TRHDE: variants seen among roughly 807,000 people sequenced by gnomAD.
TRHDE encodes the protein thyrotropin releasing hormone degrading enzyme, also known as thyrotropin-releasing hormone-degrading ectoenzyme.
TRHDE carries 72 observed loss-of-function variants against 125.7 expected under a neutral mutation model. The ratio of observed to expected loss-of-function variants is 0.57; its 90% CI spans 0.47 to 0.70. The LOEUF (loss-of-function observed/expected upper bound fraction) is 0.70. Ranked by LOEUF, TRHDE falls within the 30% of genes least tolerant of loss-of-function variation. TRHDE has a pLI of 0.00. For missense variants in TRHDE, 1,110 were observed against 1,327.1 expected, an observed-to-expected ratio of 0.84 and a Z score of 2.54; for synonymous variants, 509 against 509.1, an observed-to-expected ratio of 1.00 and a Z score of 0.00.
At chr12:72,290,104 G>A (rs1434463892) in intron 2 of TRHDE, among the ~76,000 whole-genome samples, 1 of 152,184 alleles carries the variant, frequency 6.6e-6, no homozygotes, top group Non-Finnish European at 1.5e-5. Context: ...GGAAGAGGGA[G>A]AAATTCTTAA....
intron 3 of TRHDE, among the ~76,000 whole-genome samples, chr12:72,441,589 T>C (rs1204207779): frequency 6.6e-6 from 1 of 151,896 alleles, no homozygotes; most frequent in Non-Finnish European, 1.5e-5. Context: ...AAAATGTTTT[T>C]AAGTGGTTTA....
intron 12 of TRHDE, among the ~76,000 whole-genome samples, chr12:72,603,673 C>G (rs1019214390): frequency 2.3e-4 from 35 of 151,774 alleles, no homozygotes; most frequent in Admixed American, 1.8e-3. Context: ...TGCAGTGAGC[C>G]GAGATTGCGC....
chr12:72,109,829 T>C (rs569075976), intron 2 of TRHDE, among the ~76,000 whole-genome samples: 1 of 152,210 alleles, frequency 6.6e-6, no homozygotes, highest in Admixed American at 6.6e-5. Flanking sequence ...TCATTGCCTG[T>C]GGCTGAGCAC....
intron 12 of TRHDE, among the ~76,000 whole-genome samples, chr12:72,598,359 TAAATG>T (rs1266118390): frequency 6.6e-6 from 1 of 152,196 alleles, no homozygotes; most frequent in East Asian, 1.9e-4. Flanking sequence ...TTCTTTATAT[TAAATG>T]AAATGCCAAT....
intron 2 of TRHDE, among the ~76,000 whole-genome samples, chr12:72,221,707 A>T (rs765440384): frequency 1.3e-5 from 2 of 152,132 alleles, no homozygotes; most frequent in Non-Finnish European, 2.9e-5. Flanking sequence ...CATATATGAC[A>T]TTAGGATAAC....
chr12:72,317,597 A>T (rs1009586693), intron 2 of TRHDE, among the ~76,000 whole-genome samples: 2 of 152,152 alleles, frequency 1.3e-5, no homozygotes, highest in African/African-American at 4.8e-5. Context: ...AATCCCATTC[A>T]TGAAGGCTCC....
chr12:72,572,184 A>G (rs1870776384), intron 10 of TRHDE, among the ~76,000 whole-genome samples: 1 of 152,150 alleles, frequency 6.6e-6, no homozygotes, highest in African/African-American at 2.4e-5. Flanking sequence ...TTTGTCTCAC[A>G]TTTTTACTCT....
intron 6 of TRHDE, among the ~76,000 whole-genome samples, chr12:72,510,137 T>C (rs1878523232): frequency 6.6e-6 from 1 of 152,170 alleles, no homozygotes; most frequent in Non-Finnish European, 1.5e-5. Flanking sequence ...CAGGCACAAT[T>C]AGCCTCCTGT....
chr12:72,542,904 G>T (rs577381905), intron 7 of TRHDE, among the ~76,000 whole-genome samples: 2 of 151,268 alleles, frequency 1.3e-5, no homozygotes, highest in Non-Finnish European at 3.0e-5. Flanking sequence ...TTTAGAGTAT[G>T]AAGTATAGAA....
At chr12:72,380,425 G>GGGGCT (rs1369342686) in intron 3 of TRHDE, among the ~76,000 whole-genome samples, 1 of 152,162 alleles carries the variant, frequency 6.6e-6, no homozygotes, top group African/African-American at 2.4e-5. Context: ...GCATGGGATA[G>GGGGCT]GGGCTGAGTT....
intron 2 of TRHDE, among the ~76,000 whole-genome samples, chr12:72,366,515 A>G (rs1395164614): frequency 6.6e-6 from 1 of 152,032 alleles, no homozygotes; most frequent in East Asian, 1.9e-4. Context: ...TTGCCATTTT[A>G]TGGGAGTCAG....
At chr12:72,203,403 G>A (rs1877601511) in intron 2 of TRHDE, among the ~76,000 whole-genome samples, 1 of 152,194 alleles carries the variant, frequency 6.6e-6, no homozygotes, top group Non-Finnish European at 1.5e-5. Flanking sequence ...AGGAGGCGGA[G>A]CTTGCAGTGA....
intron 2 of TRHDE, among the ~76,000 whole-genome samples, chr12:72,364,950 C>T (rs1268813789): frequency 1.3e-5 from 2 of 152,042 alleles, no homozygotes; most frequent in African/African-American, 4.8e-5. Context: ...AACAAATGAA[C>T]AACCAAAAAG....
intron 2 of TRHDE, among the ~76,000 whole-genome samples, chr12:72,358,953 C>T (rs1466684108): frequency 2.0e-5 from 3 of 151,426 alleles, no homozygotes; most frequent in Non-Finnish European, 4.4e-5. Context: ...AAAACTCTAA[C>T]CACTGCCCCC....
rs184295698 is a variant in TRHDE at position 72,167,168 on chromosome 12, T to C, written n.279+61416T>C. ...CACTTGTTAGGTGAGAGAGAAACTCTTTCTCCAGCCACTCCAGTGTTGGCT... is the reference window on the plus strand; with the variant it reads ...CACTTGTTAGGTGAGAGAGAAACTCCTTCTCCAGCCACTCCAGTGTTGGCT... On this transcript the variant is annotated intron_variant and non_coding_transcript_variant, in intron 2 of 4. Coordinates refer to the TRHDE transcript ENST00000548156. 3.6e-3 allele frequency among the ~76,000 whole-genome samples: 552 copies of C among 152,238 alleles called. 3 individuals carry two copies. The highest frequency in any genetic ancestry group is 3.3e-3 in the Non-Finnish European group (223 of 68,008).
At chr12:72,477,901 C>T (rs1282398591) in intron 5 of TRHDE, among the ~76,000 whole-genome samples, 2 of 152,030 alleles carry the variant, frequency 1.3e-5, no homozygotes, top group Admixed American at 1.3e-4. Context: ...TATAGCATTA[C>T]AAGAAAGTGC....
chr12:72,387,659 G>T (rs1378614291), intron 3 of TRHDE, among the ~76,000 whole-genome samples: 2 of 152,096 alleles, frequency 1.3e-5, no homozygotes, highest in African/African-American at 4.8e-5. Flanking sequence ...TTGAATTGTG[G>T]CTCCCATAAT....
intron 2 of TRHDE, among the ~76,000 whole-genome samples, chr12:72,163,396 C>T (rs1876676350): frequency 6.6e-6 from 1 of 152,158 alleles, no homozygotes; most frequent in African/African-American, 2.4e-5. Flanking sequence ...TTATTGTTAC[C>T]ACATCCATAG....
At chr12:72,447,029 A>G (rs1875322285) in intron 3 of TRHDE, among the ~76,000 whole-genome samples, 1 of 152,166 alleles carries the variant, frequency 6.6e-6, no homozygotes, top group South Asian at 2.1e-4. Flanking sequence ...ATAGACATCT[A>G]CAGAACTCTC....
Sources: allele counts gnomAD v4.1 joint callset (sites outside exome capture counted in the v4.1 genomes callset), GRCh38; gene constraint gnomAD v4.1.1; transcripts MANE v1.5; gene names NCBI Gene and HGNC (gene_info 2026-07-23, HGNC 2026-07-21).